The following TBC1D19 variants were observed in gnomAD, a reference collection of about 807,000 sequenced individuals.
TBC1D19 encodes TBC1 domain family, member 19.
A neutral mutation model predicts 89.0 loss-of-function variants in TBC1D19; 60 were observed. That is an observed-to-expected ratio of 0.67 (90% CI 0.55 to 0.84). The LOEUF (loss-of-function observed/expected upper bound fraction) is 0.84, where lower values mean the gene tolerates loss of function less well. Among genes scored for constraint, TBC1D19 ranks in the 40% least tolerant of loss-of-function variants. The probability of loss-of-function intolerance (pLI) is 0.00; values close to 1 mark genes in which losing one functional copy is unlikely to be tolerated. For synonymous variants in TBC1D19, 189 were observed against 199.7 expected (o/e 0.95, Z 0.45); for missense variants, 500 against 610.8 (o/e 0.82, Z 1.91).
upstream of TBC1D19, chr4:26,584,067 C>T (rs1452579169): frequency 5.6e-6 from 5 of 900,574 alleles, no homozygotes; most frequent in East Asian, 8.0e-5. Flanking sequence ...CCTGGTAACG[C>T]CCGCTGGAGG....
rs533159734 is a variant in TBC1D19 at position 26,600,117 on chromosome 4, A to T, written c.100-13052A>T. Among the ~76,000 whole-genome samples, 4 of 152,230 alleles carry T rather than the reference A, an allele frequency of 2.6e-5. No individual in the cohort carries two copies. In the South Asian group the frequency reaches 8.3e-4, roughly 32 times the overall value. Reference sequence around the variant, plus strand: ...TTATTTTCATTCCATTAAGTGTTTAATATGTTTTGTTGCTCAGATTGTCAT... The same window carrying T: ...TTATTTTCATTCCATTAAGTGTTTATTATGTTTTGTTGCTCAGATTGTCAT... On this transcript the variant is annotated intron_variant, in intron 1 of 20. Coordinates refer to ENST00000264866, the MANE Select transcript of TBC1D19 (RefSeq NM_018317.4).
intron 1 of TBC1D19, among the ~76,000 whole-genome samples, chr4:26,605,710 C>A (rs947444045): frequency 6.6e-6 from 1 of 152,186 alleles, no homozygotes; most frequent in Non-Finnish European, 1.5e-5. Context: ...AACTCTCCAG[C>A]ACCTGTTGTT....
chr4:26,586,827 T>C (rs1328902288), intron 1 of TBC1D19, among the ~76,000 whole-genome samples: 1 of 152,216 alleles, frequency 6.6e-6, no homozygotes, highest in Non-Finnish European at 1.5e-5. Context: ...GCTAAACTTA[T>C]ATATTGGTTA....
chr4:26,577,282 C>CGT lies in TBC1D19; in HGVS notation c.6+503_6+504dup, dbSNP rs140352482. On this transcript the variant is annotated intron_variant, in intron 1 of 12. Coordinates refer to the TBC1D19 transcript ENST00000512840. ...AATCCTTAAAATCTCTCTTCTCTCT[C>CGT]GTGTGTGTGTGTGTGTGTGCGTGTG... is the stretch of plus-strand genomic sequence containing the variant. Among the ~76,000 whole-genome samples, 1,382 of 149,472 alleles carry CGT rather than the reference C, an allele frequency of 9.2e-3. 10 individuals are homozygous for CGT. Among genetic ancestry groups the CGT allele is most frequent in the African/African-American group, 0.024 (962 of 40,896 alleles).
chr4:26,734,536 A>G (rs1717850746), intron 15 of TBC1D19, among the ~76,000 whole-genome samples: 1 of 152,142 alleles, frequency 6.6e-6, no homozygotes, highest in Non-Finnish European at 1.5e-5. Flanking sequence ...GGCTTTGAGT[A>G]TTTATTTGAA....
chr4:26,765,717 G>A, the TBC1D19 span, among the ~76,000 whole-genome samples: 1 of 152,110 alleles, frequency 6.6e-6, no homozygotes, highest in African/African-American at 2.4e-5. Flanking sequence ...AAAGTCAGCT[G>A]CTTCTTAGAC....
chr4:26,718,594 G>T (rs1294254355), intron 14 of TBC1D19, among the ~76,000 whole-genome samples: 1 of 151,912 alleles, frequency 6.6e-6, no homozygotes, highest in Non-Finnish European at 1.5e-5. Context: ...CATTGTGTAT[G>T]GTCATTCTGC....
chr4:26,841,385 CA>C, the TBC1D19 span, among the ~76,000 whole-genome samples: 84,838 of 110,390 alleles, frequency 0.77, 31,381 homozygotes, highest in Middle Eastern at 0.91. Flanking sequence ...GACTCTGTCT[CA>C]AAAAAAAAAA....
intron 13 of TBC1D19, among the ~76,000 whole-genome samples, chr4:26,694,895 G>A (rs940899196): frequency 4.6e-5 from 7 of 152,076 alleles, no homozygotes; most frequent in Admixed American, 1.3e-4. Flanking sequence ...CCATCTATAC[G>A]TCACCATCAT....
the TBC1D19 span, among the ~76,000 whole-genome samples, chr4:26,851,009 C>A: frequency 2.0e-5 from 3 of 152,264 alleles, no homozygotes; most frequent in East Asian, 1.9e-4. Context: ...AAGGAAAGGG[C>A]AAATTCTGTT....
the TBC1D19 span, among the ~76,000 whole-genome samples, chr4:26,769,827 C>T: frequency 6.6e-6 from 1 of 152,042 alleles, no homozygotes; most frequent in Admixed American, 6.6e-5. Flanking sequence ...GGATTACAGG[C>T]ATGAGACACC....
chr4:26,678,995 T>C (rs1713093777), intron 11 of TBC1D19, among the ~76,000 whole-genome samples: 1 of 152,170 alleles, frequency 6.6e-6, no homozygotes, highest in South Asian at 2.1e-4. Flanking sequence ...CAGCAAAGCA[T>C]TGAAGAGGTG....
At chr4:26,606,744 G>A (rs370089736) in intron 1 of TBC1D19, among the ~76,000 whole-genome samples, 1 of 152,166 alleles carries the variant, frequency 6.6e-6, no homozygotes, top group African/African-American at 2.4e-5. Context: ...ATGGGGCATA[G>A]AATGATGAAG....
At chr4:26,626,761 C>T (rs1248314534) in intron 4 of TBC1D19, among the ~76,000 whole-genome samples, 1 of 151,820 alleles carries the variant, frequency 6.6e-6, no homozygotes, top group Non-Finnish European at 1.5e-5. Flanking sequence ...TTTTTGCCTT[C>T]TATACTGTCA....
rs542375607 is a variant in TBC1D19 at position 26,645,167 on chromosome 4, A to G, written c.480+4980A>G. Among the ~76,000 whole-genome samples, 15 of 152,336 alleles carry G rather than the reference A, an allele frequency of 9.8e-5. No individual in the cohort carries two copies. In the South Asian group the frequency reaches 2.9e-3, roughly 29 times the overall value. On this transcript the variant is annotated intron_variant, in intron 7 of 20. Transcript: ENST00000264866. ...TGGAAAAAACTACTTTAAAGTTCAT[A>G]TGGAACCAAAAAAGAGCCCGCAGTG...
At chr4:26,751,211 A>T (rs1718935193) in intron 19 of TBC1D19, among the ~76,000 whole-genome samples, 1 of 152,210 alleles carries the variant, frequency 6.6e-6, no homozygotes, top group East Asian at 1.9e-4. Flanking sequence ...AATAAAGGTT[A>T]TGAGCACATA....
At chr4:26,793,043 T>C in the TBC1D19 span, among the ~76,000 whole-genome samples, 2 of 152,196 alleles carry the variant, frequency 1.3e-5, no homozygotes, top group Non-Finnish European at 2.9e-5. Flanking sequence ...CCCCCTGATA[T>C]TCTTAAATAA....
At chr4:26,640,919 C>A (rs1165332506) in intron 7 of TBC1D19, among the ~76,000 whole-genome samples, 8 of 152,196 alleles carry the variant, frequency 5.3e-5, no homozygotes, top group Non-Finnish European at 2.9e-5. Flanking sequence ...GTGGAGCCCA[C>A]CACAGCTCAA....
chr4:26,667,166 A>C (rs1366011001), intron 9 of TBC1D19, among the ~76,000 whole-genome samples: 1 of 151,986 alleles, frequency 6.6e-6, no homozygotes. Context: ...TGTTGCATCT[A>C]TATTGTCTCA....
Sources: allele counts gnomAD v4.1 joint callset (sites outside exome capture counted in the v4.1 genomes callset), GRCh38; gene constraint gnomAD v4.1.1; transcripts MANE v1.5; gene names NCBI Gene and HGNC (gene_info 2026-07-23, HGNC 2026-07-21).